The following UBTD1 variants were observed in gnomAD, a reference collection of about 807,000 sequenced individuals.
The protein encoded by UBTD1 is ubiquitin domain-containing protein 1.
UBTD1 carries 19 observed loss-of-function variants against 21.7 expected under a neutral mutation model. That is an observed-to-expected ratio of 0.87 (90% CI 0.61 to 1.28). UBTD1 has a LOEUF of 1.28. UBTD1 is among the 50% of genes most tolerant of loss of function. UBTD1 has a pLI of 0.00. For synonymous variants in UBTD1, 116 were observed against 135.1 expected (o/e 0.86, Z 0.98); for missense variants, 282 against 315.1 (o/e 0.89, Z 0.80).
chr10:97,544,767 G>A (rs1389355139), intron 1 of UBTD1, among the ~76,000 whole-genome samples: 2 of 152,194 alleles, frequency 1.3e-5, no homozygotes, highest in Non-Finnish European at 2.9e-5. Flanking sequence ...GAGGCGGGAG[G>A]ATCACTTGCA....
intron 1 of UBTD1, among the ~76,000 whole-genome samples, chr10:97,501,129 T>C (rs986720847): frequency 1.1e-4 from 17 of 152,218 alleles, no homozygotes; most frequent in African/African-American, 4.1e-4. Flanking sequence ...CACCCTACTT[T>C]GTACCCTTCT....
intron 2 of UBTD1, 142 bp downstream of exon 2, chr10:97,568,283 AC>A: frequency 1.2e-6 from 1 of 807,374 alleles, no homozygotes; most frequent in Non-Finnish European, 2.0e-6. Flanking sequence ...CTGAGCATGG[AC>A]CAGGAGTGGG....
intron 1 of UBTD1, among the ~76,000 whole-genome samples, chr10:97,533,672 C>T (rs963193607): frequency 6.6e-6 from 1 of 152,104 alleles, no homozygotes; most frequent in Non-Finnish European, 1.5e-5. Context: ...CCCTGTAATC[C>T]CAGCACTTTG....
chr10:97,502,372 T>G (rs1429872343), intron 1 of UBTD1, among the ~76,000 whole-genome samples: 1 of 152,152 alleles, frequency 6.6e-6, no homozygotes. Context: ...GCTTTTCCTT[T>G]GACAAGGACA....
Position 97,570,156 on chromosome 10 carries a change from A to G in UBTD1, c.317A>G (p.Tyr106Cys), listed in dbSNP as rs750275199. 32 of 1,609,726 alleles carry G rather than the reference A, an allele frequency of 2.0e-5. No homozygotes were observed. Among genetic ancestry groups the G allele is most frequent in the Non-Finnish European group, 2.7e-5 (32 of 1,177,386 alleles). Residue 106 changes from tyrosine (Y) to cysteine (C), a missense_variant, in exon 3 of 3, where the codon TAC (tyrosine) becomes TGC (cysteine). Tyr to Cys is a radical substitution (Grantham distance 194). Transcript: ENST00000370664. This position sits in a 1 kb window ranked among gnomAD's most constrained non-coding sequence, Gnocchi z 6.6. ...TLPHGTLCEC[Y>C]DELGNRYQLP... ...CCTACAGGCACCCTCTGTGAATGCTACGATGAGCTGGGCAATCGCTACCAG... is the reference window on the plus strand; with the variant it reads ...CCTACAGGCACCCTCTGTGAATGCTGCGATGAGCTGGGCAATCGCTACCAG...
chr10:97,517,384 G>A (rs1406488354), intron 1 of UBTD1, among the ~76,000 whole-genome samples: 3 of 152,100 alleles, frequency 2.0e-5, no homozygotes, highest in Non-Finnish European at 4.4e-5. Flanking sequence ...CTGGGTAGAG[G>A]AGGAGCTGCT....
At chr10:97,568,734 C>T (rs573829670) in intron 2 of UBTD1, among the ~76,000 whole-genome samples, 4 of 152,290 alleles carry the variant, frequency 2.6e-5, no homozygotes, top group Admixed American at 2.6e-4. Flanking sequence ...GAACTAGAAA[C>T]TTCCACTGCA....
chr10:97,513,858 C>G (rs1047255235), intron 1 of UBTD1, among the ~76,000 whole-genome samples: 6 of 151,972 alleles, frequency 3.9e-5, no homozygotes, highest in Admixed American at 2.0e-4. Context: ...ACTACAGGTG[C>G]GGGCTACCAC....
chr10:97,563,368 C>CA (rs538614934), intron 1 of UBTD1, among the ~76,000 whole-genome samples: 193 of 152,128 alleles, frequency 1.3e-3, no homozygotes, highest in African/African-American at 4.3e-3. Context: ...CCTTTTTCAG[C>CA]AATGAGTAAA....
chr10:97,560,719 C>T (rs2135686185), intron 1 of UBTD1, among the ~76,000 whole-genome samples: 3 of 152,242 alleles, frequency 2.0e-5, no homozygotes, highest in Admixed American at 2.0e-4. Context: ...TGTAATCTCC[C>T]TTAAATTCTT....
chr10:97,511,821 A>G (rs1262098707), intron 1 of UBTD1, among the ~76,000 whole-genome samples: 1 of 152,168 alleles, frequency 6.6e-6, no homozygotes, highest in Non-Finnish European at 1.5e-5. Flanking sequence ...TAGGCACACC[A>G]CAGTGATTCT....
intron 1 of UBTD1, among the ~76,000 whole-genome samples, chr10:97,563,268 G>T (rs1339343108): frequency 6.6e-6 from 1 of 152,140 alleles, no homozygotes; most frequent in East Asian, 1.9e-4. Context: ...CGAGTTTTTG[G>T]GCTCTATCCT....
chr10:97,531,692 C>T (rs535883657), intron 1 of UBTD1, among the ~76,000 whole-genome samples: 368 of 152,286 alleles, frequency 2.4e-3, no homozygotes, highest in Middle Eastern at 0.024. Flanking sequence ...TTCTAGGTAT[C>T]GGGTCCATTC....
intron 1 of UBTD1, among the ~76,000 whole-genome samples, chr10:97,510,660 C>T (rs770736525): frequency 2.0e-5 from 3 of 152,164 alleles, no homozygotes; most frequent in African/African-American, 4.8e-5. Flanking sequence ...GTTCCCCCTA[C>T]GTTGAGATAT....
intron 1 of UBTD1, among the ~76,000 whole-genome samples, chr10:97,529,208 C>T (rs971626496): frequency 3.3e-5 from 5 of 151,538 alleles, no homozygotes; most frequent in South Asian, 2.1e-4. Context: ...GATGGGATGG[C>T]GGCCGGGAAG....
chr10:97,569,462 G>A (rs1014234793), intron 2 of UBTD1, among the ~76,000 whole-genome samples: 3 of 152,208 alleles, frequency 2.0e-5, no homozygotes, highest in Non-Finnish European at 4.4e-5. Flanking sequence ...CCAGTACCTG[G>A]TGGAGCTGGG....
At chr10:97,540,495 G>A (rs1233047926) in intron 1 of UBTD1, among the ~76,000 whole-genome samples, 3 of 152,214 alleles carry the variant, frequency 2.0e-5, no homozygotes, top group East Asian at 1.9e-4. Flanking sequence ...GTGTTTAGAA[G>A]ACTGCCTGGC....
At chr10:97,568,166 A>T (rs2040727317) in intron 2 of UBTD1, 25 bp downstream of exon 2, 1 of 1,612,250 alleles carries the variant, frequency 6.2e-7, no homozygotes, top group Non-Finnish European at 8.5e-7. Flanking sequence ...CCAGGGCTTT[A>T]TCCCCGCTGG....
intron 1 of UBTD1, among the ~76,000 whole-genome samples, chr10:97,560,666 A>G (rs1202681006): frequency 1.3e-5 from 2 of 152,148 alleles, no homozygotes; most frequent in East Asian, 1.9e-4. Flanking sequence ...TGGCCAGTCT[A>G]TTTCACACAA....
Sources: gnomAD v4.1 joint callset for allele counts (sites outside exome capture counted in the v4.1 genomes callset) on GRCh38, gnomAD v4.1.1 for gene constraint, Gnocchi (gnomAD v3.1) non-coding constraint, MANE v1.5 for transcripts, NCBI Gene and HGNC (gene_info 2026-07-23, HGNC 2026-07-21) for gene names.